PCDHA5: variants seen among roughly 807,000 people sequenced by gnomAD.
The protein encoded by PCDHA5 is protocadherin alpha 5.
Under a neutral mutation model 61.6 loss-of-function variants are expected in PCDHA5, and 43 were observed. The ratio of observed to expected loss-of-function variants is 0.70; its 90% CI spans 0.55 to 0.90. The LOEUF (loss-of-function observed/expected upper bound fraction) is 0.90. PCDHA5 is among the 40% of genes least tolerant of loss of function. The pLI is 0.00. For synonymous variants in PCDHA5, 627 were observed against 543.9 expected (o/e 1.15, Z -2.13); for missense variants, 1,298 against 1,222.7 (o/e 1.06, Z -0.92).
intron 1 of PCDHA5, chr5:140,871,406 T>C (rs1406444669): frequency 1.2e-6 from 2 of 1,614,032 alleles, no homozygotes; most frequent in Non-Finnish European, 1.7e-6. Flanking sequence ...AAGACGGACC[T>C]CATGGCCTTC....
In PCDHA5 at chr5:140,969,008, G is replaced by C. The variant is rs782541476; in HGVS notation, c.2353-9941G>C. 29 of 1,614,076 alleles carry C rather than the reference G, an allele frequency of 1.8e-5. 1 individual carries two copies. In the Admixed American group the frequency reaches 4.8e-4, roughly 27 times the overall value. Reference sequence around the variant, plus strand: ...TGCATGCTGTGGAGGCTTCTGTGGAGTAAGGGAAAGGTCCCCTGCAGAACT... The same window carrying C: ...TGCATGCTGTGGAGGCTTCTGTGGACTAAGGGAAAGGTCCCCTGCAGAACT... On this transcript the variant is annotated intron_variant, in intron 1 of 3. Coordinates refer to ENST00000529859, the MANE Select transcript of PCDHA5 (RefSeq NM_018908.3).
At chr5:140,870,219 CG>C in intron 1 of PCDHA5, 1 of 1,614,152 alleles carries the variant, frequency 6.2e-7, no homozygotes. Flanking sequence ...CCCTGATCAG[CG>C]TGTCTGACCG....
chr5:140,883,534 A>G, intron 1 of PCDHA5: 1 of 1,614,196 alleles, frequency 6.2e-7, no homozygotes, highest in Non-Finnish European at 8.5e-7. Context: ...CAGCCTATGA[A>G]CTGGTGGTGA....
intron 3 of PCDHA5, among the ~76,000 whole-genome samples, chr5:140,993,156 A>G (rs2097543367): frequency 6.6e-6 from 1 of 152,188 alleles, no homozygotes; most frequent in Admixed American, 6.5e-5. Context: ...TGGATTCTAA[A>G]TATTTGCCTT....
At chr5:140,850,698 GGC>G in intron 1 of PCDHA5, 1 of 1,598,220 alleles carries the variant, frequency 6.3e-7, no homozygotes, top group Non-Finnish European at 8.6e-7. Context: ...GTGCGCGCCT[GGC>G]AAGCCGACGC....
chr5:140,952,113 G>T (rs2094688731), intron 1 of PCDHA5, among the ~76,000 whole-genome samples: 1 of 151,990 alleles, frequency 6.6e-6, no homozygotes. Flanking sequence ...TCGTGTGAGG[G>T]ATGGGCTCCC....
At chr5:140,929,421 A>G (rs2086144210) in intron 1 of PCDHA5, 2 of 1,502,092 alleles carry the variant, frequency 1.3e-6, no homozygotes, top group Non-Finnish European at 1.8e-6. Flanking sequence ...ACAACATTTC[A>G]TCAATTGAAC....
intron 1 of PCDHA5, among the ~76,000 whole-genome samples, chr5:140,975,280 T>C (rs914764307): frequency 6.6e-6 from 1 of 152,252 alleles, no homozygotes; most frequent in Non-Finnish European, 1.5e-5. Flanking sequence ...CTCTGACCTC[T>C]AGACCCAGAT....
rs2150443842 is a variant in PCDHA5 at position 140,849,644 on chromosome 5, G to A, written c.2352+25517G>A. 141 of 1,598,706 alleles carry A rather than the reference G, an allele frequency of 8.8e-5. 10 individuals are homozygous for A. In the East Asian group the frequency reaches 1.0e-3, roughly 12 times the overall value. ...TCGACCTAGACGCAGATGCCAACGG[G>A]CAGGTTACCTGCTCCCTGACGCCCC... On this transcript the variant is annotated intron_variant, in intron 1 of 3. Coordinates refer to ENST00000529859, the MANE Select transcript of PCDHA5 (RefSeq NM_018908.3).
At chr5:140,926,611 A>G in intron 1 of PCDHA5, 1 of 348,974 alleles carries the variant, frequency 2.9e-6, no homozygotes, top group Non-Finnish European at 5.1e-6. Context: ...TCGTCTCTGC[A>G]CCCCTAGGCG....
intron 1 of PCDHA5, chr5:140,852,531 C>G (rs1197831362): frequency 2.2e-6 from 1 of 450,452 alleles, no homozygotes; most frequent in African/African-American, 2.1e-5. Context: ...CCACCTCGGC[C>G]TCCCAAAGTG....
intron 1 of PCDHA5, chr5:140,830,355 G>C (rs2150185270): frequency 2.5e-6 from 4 of 1,614,120 alleles, no homozygotes; most frequent in South Asian, 2.2e-5. Flanking sequence ...CAGCAGAGGC[G>C]GCAGAGGGTG....
chr5:140,836,036 G>T, intron 1 of PCDHA5: 1 of 1,613,512 alleles, frequency 6.2e-7, no homozygotes, highest in Non-Finnish European at 8.5e-7. Context: ...ACGTGACGCT[G>T]CAGGTGTTCG....
intron 1 of PCDHA5, among the ~76,000 whole-genome samples, chr5:140,914,983 G>C (rs2076933598): frequency 7.2e-6 from 1 of 139,166 alleles, no homozygotes; most frequent in Non-Finnish European, 1.5e-5. Context: ...GTCTTGCTCT[G>C]CTACCAGGCT....
chr5:140,989,528 G>A (rs1451731382), intron 3 of PCDHA5, among the ~76,000 whole-genome samples: 2 of 152,178 alleles, frequency 1.3e-5, no homozygotes, highest in African/African-American at 4.8e-5. Context: ...GGCAGAGGAG[G>A]AAGATAGTTT....
chr5:140,842,001 A>G (rs1475257095), intron 1 of PCDHA5: 1 of 1,613,730 alleles, frequency 6.2e-7, no homozygotes, highest in African/African-American at 1.3e-5. Context: ...GGCACTGTTC[A>G]GCTGCTGGTC....
chr5:140,828,280 G>T, intron 1 of PCDHA5: 2 of 1,614,102 alleles, frequency 1.2e-6, no homozygotes, highest in Non-Finnish European at 1.7e-6. Context: ...TGCCGCGCCT[G>T]TTCAGGATGG....
intron 1 of PCDHA5, among the ~76,000 whole-genome samples, chr5:140,972,609 A>G (rs1344399252): frequency 1.3e-5 from 2 of 151,526 alleles, no homozygotes; most frequent in Non-Finnish European, 2.9e-5. Flanking sequence ...TCTGAACTTG[A>G]TACTGAATGT....
chr5:140,958,020 A>G (rs536128192), intron 1 of PCDHA5, among the ~76,000 whole-genome samples: 90 of 152,262 alleles, frequency 5.9e-4, no homozygotes, highest in African/African-American at 2.1e-3. Context: ...TCAGCCAAGT[A>G]TACTATGCTT....
Sources: allele counts gnomAD v4.1 joint callset (sites outside exome capture counted in the v4.1 genomes callset), GRCh38; gene constraint gnomAD v4.1.1; transcripts MANE v1.5; gene names NCBI Gene and HGNC (gene_info 2026-07-23, HGNC 2026-07-21).